The following VCAN variants were observed in gnomAD, a reference collection of about 807,000 sequenced individuals.
VCAN encodes the protein versican core protein.
A neutral mutation model predicts 245.5 loss-of-function variants in VCAN; 44 were observed. That is an observed-to-expected ratio of 0.18 (90% CI 0.14 to 0.23). The LOEUF (loss-of-function observed/expected upper bound fraction) is 0.23. Among genes scored for constraint, VCAN ranks in the 10% least tolerant of loss-of-function variants. VCAN has a pLI of 1.00. For missense variants in VCAN, 3,793 were observed against 4,057.9 expected, an observed-to-expected ratio of 0.93 and a Z score of 1.77; for synonymous variants, 1,413 against 1,437.0, an observed-to-expected ratio of 0.98 and a Z score of 0.38.
rs201704138 is a variant in VCAN at position 83,538,543 on chromosome 5, C to T, written c.5540C>T (p.Thr1847Ile). Residue 1847 changes from threonine (T) to isoleucine (I), a missense_variant, in exon 8 of 15, where the codon ACC becomes ATC. Physicochemically the swap from Thr to Ile is moderately conservative, Grantham distance 89. This residue lies in a region of VCAN where 3,182 missense variants were observed against 3,250.3 expected (regional missense o/e 0.98). Coordinates refer to ENST00000265077, the MANE Select transcript of VCAN (RefSeq NM_004385.5). ...SGEAAADPET[T>I]TVSSFSLNVE... The stretch of plus-strand genomic sequence containing the variant: ...GAAGCTGCTGCCGACCCAGAAACCA[C>T]CACTGTTTCTTCATTTTCATTAAAC... The T allele has an allele frequency of 3.1e-6, 5 of 1,614,048 alleles. No homozygotes were observed. The Admixed American group carries it at 8.3e-5, about 27-fold the overall frequency.
chr5:83,553,893 G>C (rs970469726), intron 11 of VCAN, among the ~76,000 whole-genome samples: 1 of 152,120 alleles, frequency 6.6e-6, no homozygotes, highest in Non-Finnish European at 1.5e-5. Flanking sequence ...TTATATGCCT[G>C]TCTAAAATTA....
intron 7 of VCAN, among the ~76,000 whole-genome samples, chr5:83,526,217 C>G (rs192970077): frequency 6.6e-6 from 1 of 152,076 alleles, no homozygotes; most frequent in Non-Finnish European, 1.5e-5. Context: ...GGATTACAGG[C>G]ATGAGCCACT....
At position 83,520,197 on chromosome 5, in the gene VCAN, A is replaced by G. The variant is rs1561243813; in HGVS notation, c.1891A>G (p.Ile631Val). 1 of 1,614,086 alleles carries G rather than the reference A, an allele frequency of 6.2e-7. No homozygotes were observed. Among genetic ancestry groups the G allele is most frequent in the Admixed American group, 1.7e-5 (1 of 60,016 alleles). The change falls in exon 7 of 15, where the codon ATA (isoleucine) becomes GTA (valine). Residue 631 changes from isoleucine (I) to valine (V), a missense_variant. Around this residue, in one of 5 missense-constraint regions of VCAN, gnomAD observed 3,182 missense variants for 3,250.3 expected, o/e 0.98. Transcript: ENST00000265077. The part of the protein sequence containing the change: ...DWEERQTSGR[I>V]TEEFLGKYLS... ...GGAAGAGAGACAAACTAGTGGTAGGATAACGGAAGAGTTTCTTGGCAAATA... is the reference window on the plus strand; with the variant it reads ...GGAAGAGAGACAAACTAGTGGTAGGGTAACGGAAGAGTTTCTTGGCAAATA...
intron 10 of VCAN, among the ~76,000 whole-genome samples, chr5:83,551,984 T>C (rs980290667): frequency 6.6e-6 from 1 of 152,194 alleles, no homozygotes; most frequent in Non-Finnish European, 1.5e-5. Context: ...AACACTTTAA[T>C]AAACGCAAAG....
intron 5 of VCAN, among the ~76,000 whole-genome samples, chr5:83,510,119 A>T (rs1201775282): frequency 1.3e-5 from 2 of 152,120 alleles, no homozygotes; most frequent in African/African-American, 4.8e-5. Context: ...TGTATTTGAG[A>T]TTACTGTCTT....
At chr5:83,492,516 C>T (rs1366623885) in intron 3 of VCAN, among the ~76,000 whole-genome samples, 2 of 151,992 alleles carry the variant, frequency 1.3e-5, no homozygotes, top group Non-Finnish European at 2.9e-5. Flanking sequence ...TCATATTTAC[C>T]CCAGCTAAAA....
At chr5:83,550,765 T>C (rs1023454722) in intron 10 of VCAN, among the ~76,000 whole-genome samples, 1 of 151,298 alleles carries the variant, frequency 6.6e-6, no homozygotes, top group Admixed American at 6.6e-5. Context: ...CGGGTGCCTG[T>C]AATCTCAGCT....
intron 12 of VCAN, among the ~76,000 whole-genome samples, chr5:83,567,595 C>T (rs1748137249): frequency 1.3e-5 from 2 of 152,294 alleles, no homozygotes; most frequent in African/African-American, 2.4e-5. Flanking sequence ...ACACTGCACC[C>T]GGCAACTCTT....
chr5:83,483,271 G>A (rs2112342161), intron 1 of VCAN, among the ~76,000 whole-genome samples: 1 of 152,244 alleles, frequency 6.6e-6, no homozygotes, highest in African/African-American at 2.4e-5. Context: ...CTGTATTCTG[G>A]AATGATTTTG....
rs192386138 is a variant in VCAN, at chr5:83,521,987, C to T, written c.3681C>T (p.Ser1227=). The change falls in exon 7 of 15, where the codon TCC becomes TCT. Residue 1227 remains serine (S), a synonymous_variant. Coordinates refer to ENST00000265077, the MANE Select transcript of VCAN (RefSeq NM_004385.5). ...LHTTSAFKPS[S]AITKKPPLID... is the part of the protein sequence containing the mutation. ...CAACTTCAGCATTCAAGCCATCTTC[C>T]GCGATCACTAAGAAACCACCTCTCA... The T allele has an allele frequency of 1.8e-5, 29 of 1,614,110 alleles. No homozygotes were observed. In the African/African-American group the frequency reaches 2.0e-4, roughly 11 times the overall value.
chr5:83,490,182 T>C lies in VCAN; in HGVS notation c.155T>C (p.Leu52Ser). 6.2e-7 allele frequency: 1 copy of C among 1,614,174 alleles called. No individual in the cohort carries two copies. Among genetic ancestry groups the C allele is most frequent in the Non-Finnish European group, 8.5e-7 (1 of 1,180,028 alleles). Reference sequence around the variant, plus strand: ...TGTCATTTTTCAACGATGCCTACTTTGCCACCCAGTTACAACACCAGTGAA... The same window carrying C: ...TGTCATTTTTCAACGATGCCTACTTCGCCACCCAGTTACAACACCAGTGAA... ...LPCHFSTMPTLPPSYNTSEFL... is the reference protein window; with the variant it reads ...LPCHFSTMPTSPPSYNTSEFL... The change falls in exon 3 of 15, where the codon TTG becomes TCG. Residue 52 changes from leucine (L) to serine (S), a missense_variant. This residue lies in a region of VCAN where 179 missense variants were observed against 169.7 expected (regional missense o/e 1.05). Coordinates refer to ENST00000265077, the MANE Select transcript of VCAN (RefSeq NM_004385.5).
At chr5:83,483,241 C>T (rs999080508) in intron 1 of VCAN, among the ~76,000 whole-genome samples, 2 of 152,210 alleles carry the variant, frequency 1.3e-5, no homozygotes, top group African/African-American at 4.8e-5. Flanking sequence ...CACACATCCA[C>T]ATTGTTATAT....
At chr5:83,529,336 GA>G (rs56718452) in intron 7 of VCAN, among the ~76,000 whole-genome samples, 44,865 of 105,250 alleles carry the variant, frequency 0.43, 7,051 homozygotes, top group South Asian at 0.48. Flanking sequence ...AAGAATATTT[GA>G]AAAAAAAAAA....
At chr5:83,525,645 T>A (rs925258764) in intron 7 of VCAN, among the ~76,000 whole-genome samples, 1 of 152,200 alleles carries the variant, frequency 6.6e-6, no homozygotes, top group African/African-American at 2.4e-5. Context: ...CAGGCCTGCT[T>A]GATGCTGTCT....
chr5:83,487,507 A>G (rs1744834177), intron 2 of VCAN, among the ~76,000 whole-genome samples: 1 of 152,182 alleles, frequency 6.6e-6, no homozygotes, highest in African/African-American at 2.4e-5. Flanking sequence ...TACTCTGTAA[A>G]CATTATACTC....
chr5:83,488,853 T>C (rs997791978), intron 2 of VCAN, among the ~76,000 whole-genome samples: 35 of 152,248 alleles, frequency 2.3e-4, no homozygotes, highest in African/African-American at 8.2e-4. Flanking sequence ...TTATTTTGGA[T>C]TTATTTGCAT....
chr5:83,541,269 C>A lies in VCAN; in HGVS notation c.8266C>A (p.His2756Asn), dbSNP rs913320204. The A allele has an allele frequency of 6.2e-7, 1 of 1,613,958 alleles. No homozygotes were observed. Among genetic ancestry groups the A allele is most frequent in the Non-Finnish European group, 8.5e-7 (1 of 1,179,992 alleles). Residue 2756 changes from histidine to asparagine, a missense_variant, in exon 8 of 15, where the codon CAT becomes AAT. Transcript: ENST00000265077. ...RTQEEYEDKKHAGPSFQPEFS... is the reference protein window; with the variant it reads ...RTQEEYEDKKNAGPSFQPEFS... ...TCAGGAGGAGTATGAAGACAAAAAA[C>A]ATGCTGGTCCTTCTTTTCAGCCAGA...
Position 83,580,420 on chromosome 5 carries a change from G to A in VCAN, c.10177G>A (p.Glu3393Lys), listed in dbSNP as rs375801424. 1.9e-6 allele frequency: 3 copies of A among 1,613,678 alleles called. No homozygotes were observed. In the African/African-American group the frequency reaches 4.0e-5, roughly 22 times the overall value. The stretch of plus-strand genomic sequence containing the variant: ...TCATCGTTGGAGCCGGAGGTGGCAG[G>A]AGTCGAGGCGCTGATCCCTAAAATG... Reference protein sequence around the residue: ...HDHRWSRRWQESRR With the variant: ...HDHRWSRRWQKSRR The change falls in exon 15 of 15, where the codon GAG becomes AAG. Residue 3393 changes from glutamate (E) to lysine (K), a missense_variant. Transcript: ENST00000265077.
chr5:83,560,911 C>A (rs1279756522), intron 12 of VCAN, among the ~76,000 whole-genome samples: 3 of 152,122 alleles, frequency 2.0e-5, no homozygotes, highest in Non-Finnish European at 4.4e-5. Context: ...GTGGATCAGA[C>A]GCATTTACTT....
Sources: allele counts gnomAD v4.1 joint callset (sites outside exome capture counted in the v4.1 genomes callset), GRCh38; gene constraint gnomAD v4.1.1; regional missense constraint gnomAD v4.1.1; transcripts MANE v1.5; gene names NCBI Gene and HGNC (gene_info 2026-07-23, HGNC 2026-07-21).